Variants in LGR6 observed in about 807,000 individuals in gnomAD.
LGR6 encodes leucine-rich repeat-containing G protein-coupled receptor 6.
In LGR6, 45 loss-of-function variants were observed where a neutral mutation model predicts 69.4. The ratio of observed to expected loss-of-function variants is 0.65; its 90% confidence interval spans 0.51 to 0.83. The LOEUF is 0.83. Ranked by LOEUF, LGR6 falls within the 40% of genes least tolerant of loss-of-function variation. The probability of loss-of-function intolerance (pLI) is 0.00; values close to 1 mark genes in which losing one functional copy is unlikely to be tolerated. For missense variants in LGR6, 1,108 were observed against 1,246.7 expected (o/e 0.89, Z 1.68); for synonymous variants, 538 against 555.0 (o/e 0.97, Z 0.43).
At chr1:202,269,046 T>C (rs1322516622) in intron 4 of LGR6, among the ~76,000 whole-genome samples, 2 of 152,088 alleles carry the variant, frequency 1.3e-5, no homozygotes, top group Non-Finnish European at 2.9e-5. Flanking sequence ...CTGGGACTAC[T>C]GGAGCGTGCC....
intron 4 of LGR6, among the ~76,000 whole-genome samples, chr1:202,242,904 T>G (rs1346347399): frequency 6.6e-6 from 1 of 152,216 alleles, no homozygotes; most frequent in Non-Finnish European, 1.5e-5. Context: ...GCTAGCACTT[T>G]CCATGTGCAA....
chr1:202,215,834 G>C (rs1337810080), intron 1 of LGR6, among the ~76,000 whole-genome samples: 1 of 152,224 alleles, frequency 6.6e-6, no homozygotes, highest in Non-Finnish European at 1.5e-5. Flanking sequence ...ACATGAATGA[G>C]CAGTCTGAGA....
intron 1 of LGR6, among the ~76,000 whole-genome samples, chr1:202,207,157 T>A (rs1659281003): frequency 6.6e-6 from 1 of 152,182 alleles, no homozygotes; most frequent in Non-Finnish European, 1.5e-5. Flanking sequence ...CCTCAGGTGA[T>A]CCACCCACCT....
intron 7 of LGR6, 91 bp downstream of exon 7, chr1:202,297,667 C>A: frequency 1.0e-6 from 1 of 987,622 alleles, no homozygotes; most frequent in Non-Finnish European, 1.6e-6. Context: ...CTTACCTCCT[C>A]ACCTCCCATG....
chr1:202,289,819 T>A (rs1666662731), intron 6 of LGR6, among the ~76,000 whole-genome samples: 1 of 152,216 alleles, frequency 6.6e-6, no homozygotes, highest in South Asian at 2.1e-4. Flanking sequence ...TCCAGGCCTT[T>A]GGGAGATAAA....
At chr1:202,313,099 C>T (rs1019152007) in intron 16 of LGR6, among the ~76,000 whole-genome samples, 2 of 151,882 alleles carry the variant, frequency 1.3e-5, no homozygotes, top group African/African-American at 2.4e-5. Context: ...TGGTGGCGGG[C>T]GCCTGTAGTC....
chr1:202,233,451 G>C (rs1260821389), intron 3 of LGR6, among the ~76,000 whole-genome samples: 1 of 152,132 alleles, frequency 6.6e-6, no homozygotes. Flanking sequence ...GCACCCTCAG[G>C]CTTCTGCATG....
intron 5 of LGR6, among the ~76,000 whole-genome samples, chr1:202,278,307 G>T (rs1317390632): frequency 6.6e-6 from 1 of 152,188 alleles, no homozygotes; most frequent in Admixed American, 6.5e-5. Flanking sequence ...CTGATTGAGA[G>T]ATTTTCAGAG....
At position 202,268,210 on chromosome 1, in the gene LGR6, C is replaced by T. The variant is rs1030352688; in HGVS notation, c.429-8096C>T. ...GGACCCCACAACCCCATTGGAGCCC[C>T]GTGGCCCTCCGTGCAGAAGCTGGCA... On this transcript the variant is annotated intron_variant, in intron 4 of 17. Coordinates refer to ENST00000367278, the MANE Select transcript of LGR6 (RefSeq NM_001017403.2). This position sits in a 1 kb window ranked among gnomAD's most constrained non-coding sequence, Gnocchi z 4.4. Among the ~76,000 whole-genome samples, 5 of 152,206 alleles carry T rather than the reference C, an allele frequency of 3.3e-5. No homozygotes were observed. The highest frequency in any genetic ancestry group is 4.8e-5 in the African/African-American group (2 of 41,450).
chr1:202,215,020 T>TGTGCGCGC (rs144255206), intron 1 of LGR6, among the ~76,000 whole-genome samples: 4 of 135,814 alleles, frequency 2.9e-5, no homozygotes, highest in African/African-American at 7.9e-5. Context: ...TGTGTGTGTG[T>TGTGCGCGC]GCGCGCGCGC....
chr1:202,198,590 G>T (rs1159309538), intron 1 of LGR6, among the ~76,000 whole-genome samples: 1 of 151,910 alleles, frequency 6.6e-6, no homozygotes, highest in Non-Finnish European at 1.5e-5. Flanking sequence ...AGGTGTGTGT[G>T]TAGTTGGGGG....
chr1:202,246,948 A>G (rs575734018), intron 4 of LGR6, among the ~76,000 whole-genome samples: 61 of 152,328 alleles, frequency 4.0e-4, no homozygotes, highest in African/African-American at 1.5e-3. Flanking sequence ...AAAATGGTTC[A>G]TCTGCATACA....
intron 1 of LGR6, among the ~76,000 whole-genome samples, chr1:202,199,207 G>A (rs1186259471): frequency 1.3e-5 from 2 of 152,054 alleles, no homozygotes; most frequent in African/African-American, 2.4e-5. Context: ...AGTGAGGGAA[G>A]GGAAGGAGGG....
At chr1:202,214,274 T>A (rs761408244) in intron 1 of LGR6, 1 of 1,507,206 alleles carries the variant, frequency 6.6e-7, no homozygotes, top group Non-Finnish European at 8.8e-7. Context: ...TCCGGAAAGT[T>A]CCACAGGTCC....
At position 202,318,178 on chromosome 1, in the gene LGR6, C is replaced by CCAAAGG; in HGVS notation, c.1875_1876insCAAAGG (p.Thr625_Phe626insGlnArg). Reference sequence around the variant, plus strand: ...TTCTAGCCTCAGTCGATGCCCTGACCTTTGGTCAGTTCTCTGAGTACGGAG... The same window carrying CCAAAGG: ...TTCTAGCCTCAGTCGATGCCCTGACCCAAAGGTTTGGTCAGTTCTCTGAGTACGGAG... On this transcript the variant is annotated inframe_insertion, in exon 18 of 18. Coordinates refer to ENST00000367278, the MANE Select transcript of LGR6 (RefSeq NM_001017403.2). The CCAAAGG allele has an allele frequency of 3.7e-6, 6 of 1,613,702 alleles. No individual in the cohort carries two copies. The highest frequency in any genetic ancestry group is 5.1e-6 in the Non-Finnish European group (6 of 1,180,012).
chr1:202,305,895 G>A, intron 12 of LGR6, 146 bp downstream of exon 12: 1 of 720,940 alleles, frequency 1.4e-6, no homozygotes, highest in Admixed American at 2.2e-5. Flanking sequence ...TTAACCCAGA[G>A]TTTAGGGCTG....
intron 11 of LGR6, 69 bp from the exon 12 acceptor site, chr1:202,305,615 C>A (rs1425483299): frequency 3.0e-6 from 4 of 1,351,268 alleles, no homozygotes; most frequent in Non-Finnish European, 4.2e-6. Context: ...TGGCTAGAGC[C>A]CCCCGTCCCC....
chr1:202,257,087 T>A (rs898002310), intron 4 of LGR6, among the ~76,000 whole-genome samples: 17 of 152,250 alleles, frequency 1.1e-4, no homozygotes, highest in African/African-American at 3.9e-4. Flanking sequence ...TTGTCACAAT[T>A]CTTTATATAT....
intron 16 of LGR6, among the ~76,000 whole-genome samples, chr1:202,310,565 C>A (rs1409492740): frequency 6.6e-6 from 1 of 152,136 alleles, no homozygotes; most frequent in Non-Finnish European, 1.5e-5. Flanking sequence ...GTGCTTGGGA[C>A]AAAGTAATGA....
Sources: gnomAD v4.1 joint callset for allele counts (sites outside exome capture counted in the v4.1 genomes callset) on GRCh38, gnomAD v4.1.1 for gene constraint, Gnocchi (gnomAD v3.1) non-coding constraint, MANE v1.5 for transcripts, NCBI Gene and HGNC (gene_info 2026-07-23, HGNC 2026-07-21) for gene names.